Variants in TMEM117 observed in about 807,000 individuals in gnomAD.
The protein encoded by TMEM117 is transmembrane protein 117.
In TMEM117, 27 loss-of-function variants were observed where a neutral mutation model predicts 52.4. That is an observed-to-expected ratio of 0.51 (90% CI 0.38 to 0.71). The LOEUF (loss-of-function observed/expected upper bound fraction) is 0.71. Ranked by LOEUF, TMEM117 falls within the 30% of genes least tolerant of loss-of-function variation. TMEM117 has a pLI of 0.00. For missense variants in TMEM117, 556 were observed against 630.5 expected (o/e 0.88, Z 1.26); for synonymous variants, 215 against 206.3 (o/e 1.04, Z -0.36).
intron 3 of TMEM117, among the ~76,000 whole-genome samples, chr12:44,070,283 C>T (rs971762279): frequency 6.6e-6 from 1 of 152,172 alleles, no homozygotes; most frequent in Non-Finnish European, 1.5e-5. Context: ...ATGGCTGCTG[C>T]AGCTCCAGAC....
chr12:43,961,189 A>G (rs1319660393), intron 3 of TMEM117, among the ~76,000 whole-genome samples: 1 of 152,184 alleles, frequency 6.6e-6, no homozygotes, highest in Non-Finnish European at 1.5e-5. Flanking sequence ...TGAACTCTTG[A>G]TAAATATTAG....
chr12:43,954,977 C>T (rs1945284172), intron 3 of TMEM117, among the ~76,000 whole-genome samples: 1 of 152,144 alleles, frequency 6.6e-6, no homozygotes, highest in Non-Finnish European at 1.5e-5. Context: ...AAGGCTGGTT[C>T]AACATACGTA....
At chr12:43,830,125 G>A in the TMEM117 span, among the ~76,000 whole-genome samples, 3 of 150,546 alleles carry the variant, frequency 2.0e-5, no homozygotes, top group Non-Finnish European at 3.0e-5. Flanking sequence ...AGGGGGACAG[G>A]CAGCAGCACA....
At chr12:44,338,998 C>T (rs1951380087) in intron 6 of TMEM117, among the ~76,000 whole-genome samples, 1 of 152,112 alleles carries the variant, frequency 6.6e-6, no homozygotes, top group South Asian at 2.1e-4. Context: ...CGGAATCTTG[C>T]AGCCACTGCC....
chr12:44,398,259 A>C, the TMEM117 span, among the ~76,000 whole-genome samples: 1 of 152,246 alleles, frequency 6.6e-6, no homozygotes, highest in East Asian at 1.9e-4. Flanking sequence ...AGTAGCTGCC[A>C]AAGAAGGCAG....
intron 3 of TMEM117, among the ~76,000 whole-genome samples, chr12:44,059,882 A>G (rs1592482210): frequency 6.6e-6 from 1 of 152,204 alleles, no homozygotes; most frequent in Non-Finnish European, 1.5e-5. Context: ...AAAGTTAGGG[A>G]CCCAGCCTCT....
In TMEM117 at chr12:44,218,904, C is replaced by T. The variant is rs541509515; in HGVS notation, c.608+7517C>T. 1.5e-3 allele frequency among the ~76,000 whole-genome samples: 224 copies of T among 152,306 alleles called. 2 individuals carry two copies. Among genetic ancestry groups the T allele is most frequent in the African/African-American group, 5.1e-3 (211 of 41,564 alleles). On this transcript the variant is annotated intron_variant, in intron 5 of 7. Transcript: ENST00000266534. ...TTAGCTGTATTTTAAAGACAAAAAT[C>T]TGCTGTTTAAGTTGCATAGCTAGTG...
At chr12:44,153,384 A>C (rs1592563564) in intron 4 of TMEM117, among the ~76,000 whole-genome samples, 1 of 152,184 alleles carries the variant, frequency 6.6e-6, no homozygotes, top group Middle Eastern at 3.4e-3. Context: ...CCAATGTGGC[A>C]TATAGACATA....
chr12:43,950,598 G>C (rs952460886), intron 3 of TMEM117, among the ~76,000 whole-genome samples: 3 of 151,292 alleles, frequency 2.0e-5, no homozygotes, highest in Non-Finnish European at 4.4e-5. Flanking sequence ...AATAATAATT[G>C]GTCGCAGCCA....
intron 2 of TMEM117, among the ~76,000 whole-genome samples, chr12:43,845,219 G>A (rs111752111): frequency 0.015 from 2,307 of 152,124 alleles, 64 homozygotes; most frequent in African/African-American, 0.051. Context: ...CCACCAATTT[G>A]GGAGGCCAAG....
chr12:44,386,629 T>C (rs1952092050), intron 7 of TMEM117, among the ~76,000 whole-genome samples: 1 of 152,058 alleles, frequency 6.6e-6, no homozygotes, highest in Non-Finnish European at 1.5e-5. Context: ...ACTGGGCCCC[T>C]ATTATGTACC....
In TMEM117 at chr12:43,984,364, T is replaced by TAACAACAACAAC. The variant is rs3064367; in HGVS notation, c.410+40054_410+40065dup. ...GCCTGGGCGACAGAGTGAGACTCCG[T>TAACAACAACAAC]AACAACAACAACAACAACAACAACA... On this transcript the variant is annotated intron_variant, in intron 3 of 7. Transcript: ENST00000266534. Among the ~76,000 whole-genome samples, 157 of 146,108 alleles carry TAACAACAACAAC rather than the reference T, an allele frequency of 1.1e-3. 1 individual carries two copies. Among genetic ancestry groups the TAACAACAACAAC allele is most frequent in the South Asian group, 5.2e-3 (23 of 4,396 alleles).
chr12:44,130,132 G>T (rs1948390146), intron 3 of TMEM117, among the ~76,000 whole-genome samples: 1 of 152,092 alleles, frequency 6.6e-6, no homozygotes, highest in African/African-American at 2.4e-5. Context: ...TTGAAACTTT[G>T]TTATACTAAT....
intron 6 of TMEM117, among the ~76,000 whole-genome samples, chr12:44,346,675 C>T (rs1015748039): frequency 4.6e-5 from 7 of 152,198 alleles, no homozygotes; most frequent in South Asian, 2.1e-4. Context: ...AGTTGTACCT[C>T]GTTGTGTCAA....
chr12:43,827,246 G>A, the TMEM117 span, among the ~76,000 whole-genome samples: 3 of 151,850 alleles, frequency 2.0e-5, no homozygotes, highest in Non-Finnish European at 4.4e-5. Context: ...TTAATAGCAC[G>A]TCTCACAGTC....
At chr12:43,899,066 C>T (rs1012674475) in intron 2 of TMEM117, among the ~76,000 whole-genome samples, 34 of 152,202 alleles carry the variant, frequency 2.2e-4, no homozygotes, top group Non-Finnish European at 8.8e-5. Context: ...AGCCCCTGCC[C>T]TTGCACAAGA....
Position 44,000,160 on chromosome 12 carries a change from G to A in TMEM117, c.410+55818G>A, listed in dbSNP as rs1946093371. On this transcript the variant is annotated intron_variant, in intron 3 of 7. Transcript: ENST00000266534. The stretch of plus-strand genomic sequence containing the variant: ...ATTTTGAAAGCCCCTTTGGCTCCTG[G>A]GAGGTGGTAAACTCTGGGGCAATGT... 1.3e-5 allele frequency among the ~76,000 whole-genome samples: 2 copies of A among 152,146 alleles called. 1 individual carries two copies. Among genetic ancestry groups the A allele is most frequent in the South Asian group, 4.1e-4 (2 of 4,820 alleles).
At chr12:44,179,686 T>C (rs1949164133) in intron 4 of TMEM117, among the ~76,000 whole-genome samples, 1 of 152,214 alleles carries the variant, frequency 6.6e-6, no homozygotes, top group Admixed American at 6.5e-5. Context: ...CACCTGGCAG[T>C]ACCCTCGCAG....
intron 7 of TMEM117, among the ~76,000 whole-genome samples, chr12:44,381,397 G>C (rs1952018260): frequency 6.6e-6 from 1 of 152,136 alleles, no homozygotes; most frequent in Non-Finnish European, 1.5e-5. Context: ...TAAATCTCTG[G>C]AGGTGAGAGA....
Sources: allele counts gnomAD v4.1 joint callset (sites outside exome capture counted in the v4.1 genomes callset), GRCh38; gene constraint gnomAD v4.1.1; transcripts MANE v1.5; gene names NCBI Gene and HGNC (gene_info 2026-07-23, HGNC 2026-07-21).